ARL13B: variants seen among roughly 807,000 people sequenced by gnomAD.
The protein encoded by ARL13B is ADP-ribosylation factor-like protein 13B.
In ARL13B, 36 loss-of-function variants were observed where a neutral mutation model predicts 56.1. The observed-to-expected ratio is 0.64, with a 90% CI of 0.49 to 0.85. ARL13B has a LOEUF of 0.85. Ranked by LOEUF, ARL13B falls within the 40% of genes least tolerant of loss-of-function variation. ARL13B has a pLI of 0.00. For missense variants in ARL13B, 519 were observed against 507.1 expected, an observed-to-expected ratio of 1.02 and a Z score of -0.23; for synonymous variants, 178 against 171.1, an observed-to-expected ratio of 1.04 and a Z score of -0.32.
At chr3:94,047,733 A>G (rs1393579834) in intron 7 of ARL13B, 1 of 152,122 alleles carries the variant, frequency 6.6e-6, no homozygotes, top group Non-Finnish European at 1.5e-5. Flanking sequence ...GTGACCCTGA[A>G]CTAATGCCTA....
chr3:94,007,627 C>G (rs769418060), intron 3 of ARL13B, among the ~76,000 whole-genome samples: 47 of 152,196 alleles, frequency 3.1e-4, no homozygotes, highest in Middle Eastern at 3.4e-3. Flanking sequence ...GTGACTTATT[C>G]ACTACCATGA....
intron 3 of ARL13B, among the ~76,000 whole-genome samples, chr3:94,011,869 G>A (rs2076230104): frequency 6.6e-6 from 1 of 152,020 alleles, no homozygotes; most frequent in African/African-American, 2.4e-5. Context: ...ATTTCTTCAT[G>A]TCACATTCTT....
At chr3:94,008,785 G>T (rs560096192) in intron 3 of ARL13B, among the ~76,000 whole-genome samples, 1 of 152,036 alleles carries the variant, frequency 6.6e-6, no homozygotes, top group Admixed American at 6.6e-5. Context: ...TTCTTTTAGG[G>T]TAACAATTCT....
chr3:94,044,572 CA>C (rs1384246942), intron 7 of ARL13B, among the ~76,000 whole-genome samples: 4 of 144,088 alleles, frequency 2.8e-5, no homozygotes, highest in South Asian at 2.2e-4. Flanking sequence ...GCCTGGCCGC[CA>C]CCGCATCTGG....
intron 3 of ARL13B, among the ~76,000 whole-genome samples, chr3:94,007,717 ACAATT>A (rs1213814788): frequency 6.6e-6 from 1 of 152,222 alleles, no homozygotes; most frequent in Non-Finnish European, 1.5e-5. Context: ...TTATGAGAGT[ACAATT>A]CAAGATGAGA....
In ARL13B at chr3:94,035,900, T is replaced by A. The variant is rs563547588; in HGVS notation, c.486+464T>A. 3.9e-5 allele frequency among the ~76,000 whole-genome samples: 6 copies of A among 152,158 alleles called. No individual in the cohort carries two copies. In the South Asian group the frequency reaches 1.2e-3, roughly 32 times the overall value. ...CAACCTGGGCAACATAGTGAGACCC[T>A]AGCTCTACAAAAAATACAAAAACTA... On this transcript the variant is annotated intron_variant, in intron 4 of 9. Coordinates refer to ENST00000394222, the MANE Select transcript of ARL13B (RefSeq NM_001174150.2).
chr3:94,010,037 T>G (rs1379809067), intron 3 of ARL13B, among the ~76,000 whole-genome samples: 1 of 152,062 alleles, frequency 6.6e-6, no homozygotes. Flanking sequence ...CCTTCAAAAT[T>G]TTTGAGGGTG....
In ARL13B at chr3:94,040,235, A is replaced by G. The variant is rs9837294; in HGVS notation, c.798+247A>G. The stretch of plus-strand genomic sequence containing the variant: ...AATTAAATGACAATAAATAAATTTG[A>G]CTGTAGCAATTATTATAGTTGCTGT... On this transcript the variant is annotated intron_variant, in intron 6 of 9. Transcript: ENST00000394222. Among the ~76,000 whole-genome samples the G allele has an allele frequency of 0.11, 16,361 of 152,170 alleles. 940 individuals carry two copies. The highest frequency in any genetic ancestry group is 0.15 in the Middle Eastern group (44 of 294).
chr3:93,980,599 C>G (rs576153150), intron 1 of ARL13B, 117 bp downstream of exon 1: 1 of 1,270,494 alleles, frequency 7.9e-7, no homozygotes, highest in African/African-American at 1.5e-5. Flanking sequence ...GCAAGGGATG[C>G]TTTCATTCCC....
At position 94,054,203 on chromosome 3, in the gene ARL13B, A is replaced by G. The variant is rs1391731484; in HGVS notation, c.*940A>G. On this transcript the variant is annotated 3_prime_UTR_variant, in exon 10 of 10. Coordinates refer to ENST00000394222, the MANE Select transcript of ARL13B (RefSeq NM_001174150.2). ...TTCTTTCATGCCTTGAAATTAAACT[A>G]TGAAATTAAAGGCAGAAAAACTGGA... 6.6e-6 allele frequency: 3 copies of G among 452,484 alleles called. No individual in the cohort carries two copies. The highest frequency in any genetic ancestry group is 4.7e-5 in the Admixed American group (2 of 42,448). The allele number at this position is 452,484 out of a possible 1,614,324, so 28.0% of individuals were successfully genotyped here.
rs2077098561 is a variant in ARL13B at position 94,053,496 on chromosome 3, A to G, written c.*233A>G. The stretch of plus-strand genomic sequence containing the variant: ...GTACATGAAATCAGCATTTGGACCA[A>G]ATTAGCAAGATTTACTGTTGACTCT... On this transcript the variant is annotated 3_prime_UTR_variant, in exon 10 of 10. Coordinates refer to ENST00000394222, the MANE Select transcript of ARL13B (RefSeq NM_001174150.2). The G allele has an allele frequency of 3.1e-6, 2 of 639,412 alleles. No individual in the cohort carries two copies. Among genetic ancestry groups the G allele is most frequent in the Admixed American group, 2.1e-5 (1 of 48,308 alleles). 39.6% of individuals were successfully genotyped at this position (639,412 alleles called of 1,614,324 possible). A position where few individuals can be genotyped will look rare whatever the true frequency, so the allele number is the denominator to read the frequency against.
intron 3 of ARL13B, among the ~76,000 whole-genome samples, chr3:94,033,921 C>A (rs190247399): frequency 3.9e-5 from 6 of 152,088 alleles, no homozygotes; most frequent in African/African-American, 1.4e-4. Context: ...CATGGGAATT[C>A]TAAAGAAAAA....
At chr3:94,012,055 T>G (rs2076233342) in intron 3 of ARL13B, among the ~76,000 whole-genome samples, 1 of 152,162 alleles carries the variant, frequency 6.6e-6, no homozygotes, top group Non-Finnish European at 1.5e-5. Context: ...TTGCATTGGC[T>G]TTCCTTGTAC....
At chr3:93,999,184 T>C (rs1267883364) in intron 2 of ARL13B, among the ~76,000 whole-genome samples, 1 of 151,978 alleles carries the variant, frequency 6.6e-6, no homozygotes, top group African/African-American at 2.4e-5. Flanking sequence ...CAAGTGATCC[T>C]CCTGCCTTGG....
rs1405220927 is a variant in ARL13B at position 93,980,421 on chromosome 3, G to C, written c.-3G>C. On this transcript the variant is annotated 5_prime_UTR_variant, in exon 1 of 10. Transcript: ENST00000394222. ...TGGGAAGTGGTGGGAGGAGCGACCCGGGATGTTCAGTCTGATGGCCAGTTG... is the reference window on the plus strand; with the variant it reads ...TGGGAAGTGGTGGGAGGAGCGACCCCGGATGTTCAGTCTGATGGCCAGTTG... 1 of 1,612,246 alleles carries C rather than the reference G, an allele frequency of 6.2e-7. No homozygotes were observed. The highest frequency in any genetic ancestry group is 1.1e-5 in the South Asian group (1 of 91,072).
chr3:94,037,889 C>G (rs2076796360), intron 5 of ARL13B, among the ~76,000 whole-genome samples: 1 of 152,120 alleles, frequency 6.6e-6, no homozygotes. Flanking sequence ...CAGGCTTTTC[C>G]AATACTCCTT....
At chr3:94,017,303 G>GTGGGTGGAAATTACA (rs2076353963) in intron 3 of ARL13B, among the ~76,000 whole-genome samples, 1 of 152,198 alleles carries the variant, frequency 6.6e-6, no homozygotes, top group African/African-American at 2.4e-5. Context: ...CCAAAGGGCA[G>GTGGGTGGAAATTACA]TGGGTGGAAA....
chr3:93,996,067 T>C (rs756108525), intron 2 of ARL13B, 123 bp downstream of exon 2: 1 of 978,904 alleles, frequency 1.0e-6, no homozygotes, highest in African/African-American at 1.6e-5. Context: ...TTACTTTATA[T>C]TCTTAGTATA....
At chr3:94,007,953 G>A (rs1232744971) in intron 3 of ARL13B, among the ~76,000 whole-genome samples, 1 of 152,126 alleles carries the variant, frequency 6.6e-6, no homozygotes, top group Non-Finnish European at 1.5e-5. Context: ...ACAGAGTCTG[G>A]AACCTGGATT....
Sources: allele counts gnomAD v4.1 joint callset (sites outside exome capture counted in the v4.1 genomes callset), GRCh38; gene constraint gnomAD v4.1.1; transcripts MANE v1.5; gene names NCBI Gene and HGNC (gene_info 2026-07-23, HGNC 2026-07-21).